KCNG2: variants seen among roughly 807,000 people sequenced by gnomAD.
The protein encoded by KCNG2 is voltage-gated potassium channel regulatory subunit KCNG2.
In KCNG2, 7 loss-of-function variants were observed where a neutral mutation model predicts 12.3. That is an observed-to-expected ratio of 0.57 (90% CI 0.32 to 1.07). The LOEUF (loss-of-function observed/expected upper bound fraction) is 1.07. Ranked by LOEUF, KCNG2 falls within the 50% of genes least tolerant of loss-of-function variation. The pLI is 0.04. For synonymous variants in KCNG2, 414 were observed against 351.4 expected (o/e 1.18, Z -1.99); for missense variants, 703 against 726.0 (o/e 0.97, Z 0.36).
At position 79,803,100 on chromosome 18, in the gene KCNG2, C is replaced by T. The variant is rs926757601; in HGVS notation, c.-115+5086C>T. On this transcript the variant is annotated intron_variant, in intron 1 of 3. Coordinates refer to ENST00000316249, the MANE Select transcript of KCNG2 (RefSeq NM_012283.2). The surrounding 1 kb of genome is among the most constrained non-coding windows in gnomAD (Gnocchi z 4.5). The stretch of plus-strand genomic sequence containing the variant: ...GGCTGAGGCAGGAGAATCGCTTGAA[C>T]CCGGAAGGCGGAGCTTGCAGTGAGC... 2.0e-5 allele frequency among the ~76,000 whole-genome samples: 3 copies of T among 152,194 alleles called. 1 individual carries two copies. Among genetic ancestry groups the T allele is most frequent in the Non-Finnish European group, 4.4e-5 (3 of 68,046 alleles).
chr18:79,885,898 G>A (rs866657310), intron 3 of KCNG2, among the ~76,000 whole-genome samples: 434 of 13,788 alleles, frequency 0.031, 56 homozygotes, highest in South Asian at 0.18. Context: ...ATGGGGACAC[G>A]GGACAGGGAG....
intron 3 of KCNG2, among the ~76,000 whole-genome samples, chr18:79,877,287 G>A (rs1451683160): frequency 6.6e-6 from 1 of 152,204 alleles, no homozygotes; most frequent in Non-Finnish European, 1.5e-5. Context: ...AGTCGCTGCT[G>A]AGCAAATGAC....
intron 1 of KCNG2, among the ~76,000 whole-genome samples, chr18:79,808,002 C>T (rs1406055491): frequency 8.5e-6 from 1 of 117,452 alleles, no homozygotes. Flanking sequence ...CCAGAGTCCG[C>T]GCTCTGAGGA....
intron 1 of KCNG2, among the ~76,000 whole-genome samples, chr18:79,818,948 T>C (rs954383022): frequency 1.2e-4 from 19 of 152,310 alleles, no homozygotes; most frequent in African/African-American, 4.1e-4. Context: ...CATTGGTGAC[T>C]AATGTCCGAG....
At chr18:79,857,772 T>A (rs1338842246) in intron 2 of KCNG2, among the ~76,000 whole-genome samples, 1 of 152,044 alleles carries the variant, frequency 6.6e-6, no homozygotes, top group Non-Finnish European at 1.5e-5. Context: ...TAAATGGAGA[T>A]AAAATTCACC....
intron 1 of KCNG2, among the ~76,000 whole-genome samples, chr18:79,823,546 A>G (rs2087587901): frequency 6.6e-6 from 1 of 152,078 alleles, no homozygotes. Context: ...CACTTCTCTG[A>G]TTACGAGTGT....
chr18:79,854,467 A>G (rs1222705786), intron 1 of KCNG2, among the ~76,000 whole-genome samples: 2 of 151,692 alleles, frequency 1.3e-5, no homozygotes, highest in Non-Finnish European at 2.9e-5. Context: ...GCCTTTAATG[A>G]TAGACCTCCT....
At chr18:79,861,983 T>G (rs1021835965) in intron 2 of KCNG2, among the ~76,000 whole-genome samples, 23 of 152,240 alleles carry the variant, frequency 1.5e-4, no homozygotes, top group African/African-American at 5.5e-4. Context: ...ATCACTTTTT[T>G]TTAATATAAC....
chr18:79,869,939 G>A (rs1430079516), intron 3 of KCNG2, among the ~76,000 whole-genome samples: 1 of 152,238 alleles, frequency 6.6e-6, no homozygotes, highest in Non-Finnish European at 1.5e-5. Flanking sequence ...CAGGCTGTAG[G>A]GACACACACG....
At chr18:79,813,352 A>T (rs1283276984) in intron 1 of KCNG2, among the ~76,000 whole-genome samples, 2 of 152,260 alleles carry the variant, frequency 1.3e-5, no homozygotes, top group Non-Finnish European at 2.9e-5. Context: ...GTACTCCACC[A>T]TATCAACAGA....
intron 1 of KCNG2, among the ~76,000 whole-genome samples, chr18:79,835,229 G>A (rs1008968452): frequency 2.2e-4 from 34 of 152,192 alleles, no homozygotes; most frequent in African/African-American, 7.5e-4. Flanking sequence ...GAAGCCAACC[G>A]CAGCAGAGCC....
chr18:79,883,147 G>GGCTC (rs936212028), intron 3 of KCNG2, among the ~76,000 whole-genome samples: 3 of 152,236 alleles, frequency 2.0e-5, no homozygotes, highest in African/African-American at 7.2e-5. Flanking sequence ...AGCACGAATG[G>GGCTC]GCTCGCAGGG....
rs978208700 is a variant in KCNG2, at chr18:79,887,011, A to G, written c.625-12029A>G. ...AACATAGGGACGTGGGGACAGGGAC[A>G]TGGGGACACGGGACAGGGAGATGGG... On this transcript the variant is annotated intron_variant, in intron 3 of 3. Transcript: ENST00000316249. Among the ~76,000 whole-genome samples the G allele has an allele frequency of 1.6e-3, 138 of 84,996 alleles. 4 individuals carry two copies. Among genetic ancestry groups the G allele is most frequent in the Non-Finnish European group, 2.2e-3 (89 of 39,898 alleles). The allele number at this position is 84,996 out of a possible 152,430, so 55.8% of individuals were successfully genotyped here. A position where few individuals can be genotyped will look rare whatever the true frequency, so the allele number is the denominator to read the frequency against.
chr18:79,856,885 C>T (rs1979026888), intron 2 of KCNG2, among the ~76,000 whole-genome samples: 1 of 151,786 alleles, frequency 6.6e-6, no homozygotes, highest in Non-Finnish European at 1.5e-5. Flanking sequence ...AGCCTTTAAT[C>T]CCCCAGAGCG....
Position 79,864,142 on chromosome 18 carries a change from G to T in KCNG2, c.475G>T (p.Gly159Cys). ...GGGACCTCGGGGGCGGCTGCAGCGC[G>T]GCCGGCGGCGCCTGCGCGACGTGGT... ...ALGPRGRLQR[G>C]RRRLRDVVDN... The change falls in exon 3 of 4, where the codon GGC (glycine) becomes TGC (cysteine). Residue 159 changes from glycine to cysteine, a missense_variant. By Grantham distance (159) the Gly-to-Cys change is radical (BLOSUM62 -3). Transcript: ENST00000316249. The T allele has an allele frequency of 2.2e-6, 3 of 1,378,266 alleles. No individual in the cohort carries two copies. The highest frequency in any genetic ancestry group is 2.8e-6 in the Non-Finnish European group (3 of 1,067,418). The allele number at this position is 1,378,266 out of a possible 1,614,324, so 85.4% of individuals were successfully genotyped here. A position where few individuals can be genotyped will look rare whatever the true frequency, so the allele number is the denominator to read the frequency against.
intron 1 of KCNG2, among the ~76,000 whole-genome samples, chr18:79,829,506 C>T (rs1371678323): frequency 6.6e-6 from 1 of 152,138 alleles, no homozygotes; most frequent in Admixed American, 6.5e-5. Flanking sequence ...GTCTTTGCCT[C>T]ACACCAGTCC....
Position 79,822,423 on chromosome 18 carries a change from A to G in KCNG2, c.-115+24409A>G, listed in dbSNP as rs2087578119. On this transcript the variant is annotated intron_variant, in intron 1 of 3. Transcript: ENST00000316249. This position sits in a 1 kb window ranked among gnomAD's most constrained non-coding sequence, Gnocchi z 4.4. ...AGTTTGTTTTTCGTTTTTGTTTTTC[A>G]CAATATTGATACTTTTTAAAGTTAT... 6.6e-6 allele frequency among the ~76,000 whole-genome samples: 1 copy of G among 151,944 alleles called. No individual in the cohort carries two copies. Among genetic ancestry groups the G allele is most frequent in the South Asian group, 2.1e-4 (1 of 4,824 alleles).
At chr18:79,802,817 A>C (rs2087421677) in intron 1 of KCNG2, among the ~76,000 whole-genome samples, 1 of 152,096 alleles carries the variant, frequency 6.6e-6, no homozygotes. Flanking sequence ...ATATCGGTAC[A>C]TTTTATTTAA....
Position 79,822,058 on chromosome 18 carries a change from G to C in KCNG2, c.-115+24044G>C, listed in dbSNP as rs1348551847. Among the ~76,000 whole-genome samples, 1 of 152,220 alleles carries C rather than the reference G, an allele frequency of 6.6e-6. No homozygotes were observed. Among genetic ancestry groups the C allele is most frequent in the African/African-American group, 2.4e-5 (1 of 41,450 alleles). On this transcript the variant is annotated intron_variant, in intron 1 of 3. Transcript: ENST00000316249. This position sits in a 1 kb window ranked among gnomAD's most constrained non-coding sequence, Gnocchi z 4.4. ...ATCCCAGCACTGATATTTGGGGCTG[G>C]GATGTGAAGGCTTCAGTAAAACTTG...
Sources: gnomAD v4.1 joint callset for allele counts (sites outside exome capture counted in the v4.1 genomes callset) on GRCh38, gnomAD v4.1.1 for gene constraint, Gnocchi (gnomAD v3.1) non-coding constraint, MANE v1.5 for transcripts, NCBI Gene and HGNC (gene_info 2026-07-23, HGNC 2026-07-21) for gene names.